CHRM2: variants seen among roughly 807,000 people sequenced by gnomAD.
CHRM2 encodes cholinergic receptor muscarinic 2.
Under a neutral mutation model 25.0 loss-of-function variants are expected in CHRM2, and 8 were observed. The ratio of observed to expected loss-of-function variants is 0.32; its 90% CI spans 0.19 to 0.58. The LOEUF (loss-of-function observed/expected upper bound fraction) is 0.58, where lower values mean the gene tolerates loss of function less well. CHRM2 is among the 20% of genes least tolerant of loss of function. The pLI is 0.88. For synonymous variants in CHRM2, 202 were observed against 205.7 expected (o/e 0.98, Z 0.15); for missense variants, 440 against 567.1 (o/e 0.78, Z 2.28).
At chr7:136,930,924 A>G (rs1167804395) in intron 2 of CHRM2, among the ~76,000 whole-genome samples, 5 of 146,016 alleles carry the variant, frequency 3.4e-5, no homozygotes, top group Non-Finnish European at 7.5e-5. Flanking sequence ...AAAAAAAAAA[A>G]AAAGGATAGA....
At chr7:136,875,355 A>G (rs1796013390) in intron 2 of CHRM2, among the ~76,000 whole-genome samples, 1 of 152,132 alleles carries the variant, frequency 6.6e-6, no homozygotes, top group African/African-American at 2.4e-5. Context: ...CCCTAAATAC[A>G]TGGCAAACTA....
At chr7:136,906,109 A>G (rs1474421147) in intron 2 of CHRM2, among the ~76,000 whole-genome samples, 1 of 150,616 alleles carries the variant, frequency 6.6e-6, no homozygotes. Flanking sequence ...GTATGTATAT[A>G]TGTGTGTGTA....
At chr7:136,888,351 T>C (rs1021067596) in intron 2 of CHRM2, among the ~76,000 whole-genome samples, 2 of 152,226 alleles carry the variant, frequency 1.3e-5, no homozygotes, top group Non-Finnish European at 2.9e-5. Context: ...AAAGGAGAGA[T>C]ACCATACTTC....
intron 2 of CHRM2, among the ~76,000 whole-genome samples, chr7:136,971,945 G>A (rs1801802380): frequency 6.6e-6 from 1 of 152,160 alleles, no homozygotes. Flanking sequence ...AATTCTCTGA[G>A]CTCTCTGTGG....
intron 2 of CHRM2, among the ~76,000 whole-genome samples, chr7:136,944,226 T>C (rs1210008033): frequency 6.6e-6 from 1 of 152,072 alleles, no homozygotes; most frequent in African/African-American, 2.4e-5. Flanking sequence ...GTGTCGTCTT[T>C]TATTCCTCAC....
chr7:136,896,237 G>A (rs1296585757), intron 2 of CHRM2, among the ~76,000 whole-genome samples: 1 of 152,098 alleles, frequency 6.6e-6, no homozygotes. Context: ...AAATCTTTGA[G>A]ATGAAGTTCA....
intron 2 of CHRM2, among the ~76,000 whole-genome samples, chr7:136,945,022 A>G (rs1799989623): frequency 6.6e-6 from 1 of 151,208 alleles, no homozygotes; most frequent in Non-Finnish European, 1.5e-5. Flanking sequence ...ATTTTCCCAT[A>G]TGTTCGTTGG....
At chr7:136,960,045 C>T (rs745461648) in intron 2 of CHRM2, among the ~76,000 whole-genome samples, 2 of 152,102 alleles carry the variant, frequency 1.3e-5, no homozygotes, top group Non-Finnish European at 2.9e-5. Flanking sequence ...TGAGGGAGAA[C>T]GGAGAGCGAG....
chr7:136,878,524 G>C (rs1228958911), intron 2 of CHRM2, among the ~76,000 whole-genome samples: 2 of 151,818 alleles, frequency 1.3e-5, no homozygotes, highest in Admixed American at 6.6e-5. Flanking sequence ...TCCATGGCTA[G>C]TTATATCCTT....
At chr7:136,922,204 T>C (rs1160797967) in intron 2 of CHRM2, among the ~76,000 whole-genome samples, 1 of 152,202 alleles carries the variant, frequency 6.6e-6, no homozygotes, top group Non-Finnish European at 1.5e-5. Flanking sequence ...GTGTCATCCT[T>C]GACTCTGCTT....
At chr7:136,911,069 C>T (rs190183271) in intron 2 of CHRM2, among the ~76,000 whole-genome samples, 2 of 151,950 alleles carry the variant, frequency 1.3e-5, no homozygotes, top group Admixed American at 1.3e-4. Context: ...AGAAACAGAA[C>T]CAACAGCCTT....
At chr7:136,873,688 G>T (rs565811760) in intron 2 of CHRM2, among the ~76,000 whole-genome samples, 1 of 152,164 alleles carries the variant, frequency 6.6e-6, no homozygotes, top group Non-Finnish European at 1.5e-5. Context: ...CAATCGGTTC[G>T]CTATAAATAG....
chr7:136,934,070 T>C (rs1799272366), intron 2 of CHRM2, among the ~76,000 whole-genome samples: 1 of 152,180 alleles, frequency 6.6e-6, no homozygotes, highest in African/African-American at 2.4e-5. Context: ...TTGTAGATAT[T>C]TAAGCAAGTG....
intron 3 of CHRM2, among the ~76,000 whole-genome samples, chr7:136,992,470 C>G (rs1803292617): frequency 6.6e-6 from 1 of 152,040 alleles, no homozygotes; most frequent in African/African-American, 2.4e-5. Context: ...ACCCACAGAC[C>G]AGGGACAAAC....
At chr7:136,874,065 G>A (rs892370123) in intron 2 of CHRM2, among the ~76,000 whole-genome samples, 4 of 152,144 alleles carry the variant, frequency 2.6e-5, no homozygotes, top group Non-Finnish European at 5.9e-5. Context: ...CTTTTTCAAG[G>A]TGACACAGCT....
intron 2 of CHRM2, among the ~76,000 whole-genome samples, chr7:136,961,985 A>G (rs1801114138): frequency 1.3e-5 from 2 of 152,142 alleles, no homozygotes; most frequent in Admixed American, 6.5e-5. Context: ...TTGAGGGCAC[A>G]AACATAAAAA....
chr7:136,979,022 C>T (rs1802302745), intron 2 of CHRM2, among the ~76,000 whole-genome samples: 1 of 152,148 alleles, frequency 6.6e-6, no homozygotes, highest in African/African-American at 2.4e-5. Flanking sequence ...TGAGGAATTG[C>T]CACACTGCCC....
At chr7:136,928,564 T>C (rs989805144) in intron 2 of CHRM2, among the ~76,000 whole-genome samples, 12 of 152,200 alleles carry the variant, frequency 7.9e-5, no homozygotes, top group Non-Finnish European at 1.3e-4. Flanking sequence ...TTGTAAATAA[T>C]GAAACTGATT....
At chr7:136,909,564 A>T (rs1023487156) in intron 2 of CHRM2, among the ~76,000 whole-genome samples, 9 of 152,062 alleles carry the variant, frequency 5.9e-5, no homozygotes, top group African/African-American at 2.2e-4. Flanking sequence ...ATTTTAATGC[A>T]AAAATTCAGC....
Sources: gnomAD v4.1 joint callset for allele counts (sites outside exome capture counted in the v4.1 genomes callset) on GRCh38, gnomAD v4.1.1 for gene constraint, MANE v1.5 for transcripts, NCBI Gene and HGNC (gene_info 2026-07-23, HGNC 2026-07-21) for gene names.